COTL1: variants seen among roughly 807,000 people sequenced by gnomAD.
The protein encoded by COTL1 is coactosin-like protein.
Under a neutral mutation model 16.5 loss-of-function variants are expected in COTL1, and 15 were observed. The ratio of observed to expected loss-of-function variants is 0.91; its 90% CI spans 0.61 to 1.40. The LOEUF (loss-of-function observed/expected upper bound fraction) is 1.40, where lower values mean the gene tolerates loss of function less well. Ranked by LOEUF, COTL1 falls within the 40% of genes most tolerant of loss-of-function variation. The pLI, the probability that COTL1 is intolerant of heterozygous loss-of-function variation, is 0.00. For synonymous variants in COTL1, 112 were observed against 85.3 expected, an observed-to-expected ratio of 1.31 and a Z score of -1.73; for missense variants, 220 against 201.5, an observed-to-expected ratio of 1.09 and a Z score of -0.56.
At chr16:84,587,795 TTTTA>T (rs1396761481) in intron 3 of COTL1, among the ~76,000 whole-genome samples, 1 of 151,238 alleles carries the variant, frequency 6.6e-6, no homozygotes, top group Non-Finnish European at 1.5e-5. Context: ...TATTTATTTA[TTTTA>T]TTTATTTTTT....
In COTL1 at chr16:84,589,608, T is replaced by C. The variant is rs190550495; in HGVS notation, c.318+497A>G. Among the ~76,000 whole-genome samples the C allele has an allele frequency of 1.7e-4, 26 of 152,248 alleles. No homozygotes were observed. In the East Asian group the frequency reaches 4.8e-3, roughly 28 times the overall value. On this transcript the variant is annotated intron_variant, in intron 3 of 3. Transcript: ENST00000262428. ...TTTTCTTTTCTCAACATGACCGTGT[T>C]ACCCGTACCCCAAGTGAACAACCTT...
intron 2 of COTL1, among the ~76,000 whole-genome samples, chr16:84,599,576 G>C (rs1905072019): frequency 6.6e-6 from 1 of 152,120 alleles, no homozygotes. Flanking sequence ...TTATCTGTGG[G>C]CCAATGGAAA....
intron 2 of COTL1, among the ~76,000 whole-genome samples, chr16:84,599,060 A>G (rs962201470): frequency 9.2e-5 from 14 of 151,662 alleles, no homozygotes; most frequent in Non-Finnish European, 1.9e-4. Flanking sequence ...GGTCCCCACT[A>G]AGCTCTGAAG....
chr16:84,598,491 C>T (rs1264801789), intron 2 of COTL1, among the ~76,000 whole-genome samples: 1 of 152,146 alleles, frequency 6.6e-6, no homozygotes, highest in Non-Finnish European at 1.5e-5. Flanking sequence ...CCGCCTGGCG[C>T]AGAGCTGTGA....
chr16:84,587,695 G>A (rs1296040992), intron 3 of COTL1, among the ~76,000 whole-genome samples: 2 of 152,110 alleles, frequency 1.3e-5, no homozygotes, highest in Non-Finnish European at 1.5e-5. Context: ...AGGCGAGCCC[G>A]TCCAGAGAGT....
intron 3 of COTL1, among the ~76,000 whole-genome samples, chr16:84,584,117 G>A (rs916592524): frequency 6.6e-6 from 1 of 152,192 alleles, no homozygotes; most frequent in Non-Finnish European, 1.5e-5. Flanking sequence ...CGATAGGAGC[G>A]AGGTTCTGTC....
intron 3 of COTL1, chr16:84,568,059 G>C (rs1021676403): frequency 6.6e-6 from 1 of 152,104 alleles, no homozygotes; most frequent in South Asian, 2.1e-4. Context: ...GTGCAGTGGC[G>C]CAATCTTGGC....
intron 3 of COTL1, among the ~76,000 whole-genome samples, chr16:84,585,135 G>C (rs1049107059): frequency 2.0e-5 from 3 of 152,136 alleles, no homozygotes; most frequent in African/African-American, 7.2e-5. Flanking sequence ...AGGACACTGA[G>C]GCCCAGGGAG....
intron 2 of COTL1, among the ~76,000 whole-genome samples, chr16:84,600,809 G>A (rs536520599): frequency 6.6e-6 from 1 of 152,316 alleles, no homozygotes; most frequent in South Asian, 2.1e-4. Context: ...ATAAGAAAAT[G>A]AAGTACAGGA....
At chr16:84,579,404 C>T (rs1904527625) in intron 3 of COTL1, among the ~76,000 whole-genome samples, 1 of 152,226 alleles carries the variant, frequency 6.6e-6, no homozygotes, top group Non-Finnish European at 1.5e-5. Flanking sequence ...AGGAGAATCA[C>T]TTGAACCACG....
At position 84,590,333 on chromosome 16, in the gene COTL1, G is replaced by T; in HGVS notation, c.161-71C>A. On this transcript the variant is annotated intron_variant, in intron 2 of 3. Coordinates refer to ENST00000262428, the MANE Select transcript of COTL1 (RefSeq NM_021149.5). This position sits in a 1 kb window ranked among gnomAD's most constrained non-coding sequence, Gnocchi z 5.5. The stretch of plus-strand genomic sequence containing the variant: ...CCCCATGTCATGTCCCTGGGGAGAG[G>T]CTGTGAGCCACGAGTGCGCCTGGAG... 1.3e-6 allele frequency: 2 copies of T among 1,557,906 alleles called. No homozygotes were observed. Among genetic ancestry groups the T allele is most frequent in the Non-Finnish European group, 1.7e-6 (2 of 1,143,772 alleles).
chr16:84,585,687 G>A (rs1428986380), intron 3 of COTL1, among the ~76,000 whole-genome samples: 1 of 152,174 alleles, frequency 6.6e-6, no homozygotes, highest in African/African-American at 2.4e-5. Flanking sequence ...AGGCATGCCA[G>A]TCTCTGCATG....
chr16:84,570,258 G>A (rs1259963166), intron 3 of COTL1, among the ~76,000 whole-genome samples: 4 of 152,206 alleles, frequency 2.6e-5, no homozygotes, highest in Admixed American at 2.0e-4. Flanking sequence ...CCTGGCAACA[G>A]AGCGAGATTC....
At position 84,566,476 on chromosome 16, in the gene COTL1, G is replaced by A; in HGVS notation, c.*369C>T. The A allele has an allele frequency of 5.7e-6, 1 of 175,372 alleles. No individual in the cohort carries two copies. Among genetic ancestry groups the A allele is most frequent in the East Asian group, 1.6e-4 (1 of 6,102 alleles). 10.9% of individuals were successfully genotyped at this position (175,372 alleles called of 1,614,324 possible). ...CTGGAAAGCAACGTGAGGTCATGCAGATCTCACTAGGCAGACCTCGTCGCG... is the reference window on the plus strand; with the variant it reads ...CTGGAAAGCAACGTGAGGTCATGCAAATCTCACTAGGCAGACCTCGTCGCG... On this transcript the variant is annotated 3_prime_UTR_variant, in exon 4 of 4. Coordinates refer to ENST00000262428, the MANE Select transcript of COTL1 (RefSeq NM_021149.5).
chr16:84,566,198 G>C lies in COTL1; in HGVS notation c.*647C>G, dbSNP rs992960256. The C allele has an allele frequency of 6.5e-6, 1 of 152,718 alleles. No individual in the cohort carries two copies. The highest frequency in any genetic ancestry group is 2.4e-5 in the African/African-American group (1 of 41,446). The allele number at this position is 152,718 out of a possible 1,614,324, so 9.5% of individuals were successfully genotyped here. The stretch of plus-strand genomic sequence containing the variant: ...GGCAAATTTTATCTCTTCTTATTCA[G>C]TCTGAGCCGGACCTAACCTTCTCAC... On this transcript the variant is annotated 3_prime_UTR_variant, in exon 4 of 4. Transcript: ENST00000262428.
intron 3 of COTL1, among the ~76,000 whole-genome samples, chr16:84,574,851 A>G (rs994594558): frequency 3.9e-5 from 6 of 151,952 alleles, no homozygotes; most frequent in Admixed American, 1.3e-4. Flanking sequence ...GTGCTTATAG[A>G]TTCATGCCTC....
At chr16:84,567,376 AAAAAG>A in intron 3 of COTL1, 1 of 157,934 alleles carries the variant, frequency 6.3e-6, no homozygotes, top group East Asian at 1.9e-4. Flanking sequence ...GCACTCCAAA[AAAAAG>A]AAAAGGACAA....
intron 3 of COTL1, among the ~76,000 whole-genome samples, chr16:84,573,731 ACT>A: frequency 9.3e-6 from 1 of 107,084 alleles, no homozygotes; most frequent in East Asian, 2.2e-4. Flanking sequence ...CAAGAGCGAA[ACT>A]CTGTCTCAAA....
chr16:84,611,500 T>C (rs1314655424), intron 2 of COTL1, among the ~76,000 whole-genome samples: 1 of 152,172 alleles, frequency 6.6e-6, no homozygotes, highest in African/African-American at 2.4e-5. Context: ...ATTTCAAGAA[T>C]ATAGATAAAA....
Sources: allele counts gnomAD v4.1 joint callset (sites outside exome capture counted in the v4.1 genomes callset), GRCh38; gene constraint gnomAD v4.1.1; non-coding constraint Gnocchi (gnomAD v3.1); transcripts MANE v1.5; gene names NCBI Gene and HGNC (gene_info 2026-07-23, HGNC 2026-07-21).